The following POF1B variants were observed in gnomAD, a reference collection of about 807,000 sequenced individuals.
The protein encoded by POF1B is POF1B actin binding protein, also known as protein POF1B.
Under a neutral mutation model 55.3 loss-of-function variants are expected in POF1B, and 53 were observed. The observed-to-expected ratio is 0.96, with a 90% CI of 0.77 to 1.20. The LOEUF is 1.20. POF1B is among the 50% of genes most tolerant of loss of function. POF1B has a pLI of 0.00. For synonymous variants in POF1B, 188 were observed against 148.3 expected (o/e 1.27, Z -1.95); for missense variants, 478 against 420.5 (o/e 1.14, Z -1.20).
At position 85,289,817 on chromosome X, in the gene POF1B, G is replaced by A. The variant is rs756646200; in HGVS notation, c.1650-7500C>T. On this transcript the variant is annotated intron_variant, in intron 15 of 16. Transcript: ENST00000262753. ...CAAGAGGTGGGGGTGTGGGAACAGG[G>A]ATCGGTATCCAGAGTTGCTACAGCA... is the stretch of plus-strand genomic sequence containing the variant. Among the ~76,000 whole-genome samples, 40 of 111,195 alleles carry A rather than the reference G, an allele frequency of 3.6e-4. 1 individual carries two copies. The highest frequency in any genetic ancestry group is 5.9e-4 in the Non-Finnish European group (31 of 52,965).
intron 15 of POF1B, among the ~76,000 whole-genome samples, chrX:85,283,387 T>C (rs1324441404): frequency 9.2e-6 from 1 of 108,769 alleles, no homozygotes; most frequent in Non-Finnish European, 1.9e-5. Flanking sequence ...AGGAGAGAAA[T>C]AGATAATATA....
At chrX:85,286,336 TA>T (rs1932054227) in intron 15 of POF1B, among the ~76,000 whole-genome samples, 1 of 110,492 alleles carries the variant, frequency 9.1e-6, no homozygotes, top group African/African-American at 3.3e-5. Context: ...TAAAATAGGT[TA>T]AATGAAACAT....
At chrX:85,302,448 A>G (rs1397204853) in intron 15 of POF1B, among the ~76,000 whole-genome samples, 2 of 111,470 alleles carry the variant, frequency 1.8e-5, no homozygotes, top group Non-Finnish European at 3.8e-5. Context: ...ACAAATGGCA[A>G]CGAGGATGGG....
At chrX:85,342,680 G>A (rs537194114) in intron 6 of POF1B, among the ~76,000 whole-genome samples, 36 of 111,066 alleles carry the variant, frequency 3.2e-4, no homozygotes, top group African/African-American at 9.8e-4. Flanking sequence ...TCTTTACCAC[G>A]CTCCTTCCAA....
At chrX:85,284,301 ATTACT>A (rs1229614668) in intron 15 of POF1B, among the ~76,000 whole-genome samples, 1 of 111,751 alleles carries the variant, frequency 8.9e-6, no homozygotes, top group Admixed American at 9.5e-5. Flanking sequence ...ATTGGAAAAA[ATTACT>A]TTAAAGTTCA....
intron 6 of POF1B, among the ~76,000 whole-genome samples, chrX:85,331,748 C>A (rs1029915438): frequency 9.0e-6 from 1 of 111,082 alleles, no homozygotes; most frequent in African/African-American, 3.3e-5. Flanking sequence ...TCTTCCCCCT[C>A]CCTTCTAAGC....
chrX:85,367,064 A>G (rs1211999048), intron 3 of POF1B, among the ~76,000 whole-genome samples: 1 of 109,029 alleles, frequency 9.2e-6, no homozygotes, highest in Non-Finnish European at 1.9e-5. Flanking sequence ...AAATCCCATA[A>G]CCCCTTTACT....
chrX:85,346,780 T>C (rs1466038399), intron 5 of POF1B, among the ~76,000 whole-genome samples: 1 of 110,917 alleles, frequency 9.0e-6, no homozygotes, highest in African/African-American at 3.3e-5. Flanking sequence ...ATTATTATTA[T>C]GATCACATCA....
At chrX:85,375,366 T>C (rs778209663) in intron 2 of POF1B, among the ~76,000 whole-genome samples, 1 of 111,483 alleles carries the variant, frequency 9.0e-6, no homozygotes, top group African/African-American at 3.3e-5. Context: ...CACCCTCATA[T>C]CTTGCCACAC....
intron 15 of POF1B, among the ~76,000 whole-genome samples, chrX:85,284,945 C>T (rs1242403183): frequency 1.8e-5 from 2 of 111,248 alleles, no homozygotes; most frequent in East Asian, 2.8e-4. Context: ...ACAAAGAACT[C>T]AAACAAATTT....
chrX:85,284,677 A>G (rs752594329), intron 15 of POF1B, among the ~76,000 whole-genome samples: 2,112 of 111,855 alleles, frequency 0.019, 47 homozygotes, highest in African/African-American at 0.065. Flanking sequence ...AAAGACTTAA[A>G]TGTTAGACCT....
In POF1B at chrX:85,279,416, T is replaced by C; in HGVS notation, c.*5A>G. 1 of 1,189,373 alleles carries C rather than the reference T, an allele frequency of 8.4e-7. No individual in the cohort carries two copies. Among genetic ancestry groups the C allele is most frequent in the South Asian group, 1.8e-5 (1 of 55,309 alleles). ...TTGAGTTGTAATACTTTAAAGTGGA[T>C]CCATTCATGGCTAGAAAAGAAAAAA... On this transcript the variant is annotated 3_prime_UTR_variant, in exon 17 of 17. Transcript: ENST00000262753.
chrX:85,335,541 C>G (rs924187877), intron 6 of POF1B, among the ~76,000 whole-genome samples: 2 of 110,406 alleles, frequency 1.8e-5, no homozygotes, highest in African/African-American at 6.6e-5. Context: ...TAATTGGTCT[C>G]CTTATTTTAT....
At chrX:85,379,045 C>A in intron 2 of POF1B, 128 bp downstream of exon 2, 2 of 766,066 alleles carry the variant, frequency 2.6e-6, no homozygotes, top group Non-Finnish European at 3.7e-6. Context: ...GGTGACTATC[C>A]AAGGCATATA....
At chrX:85,328,124 G>T (rs1932919117) in intron 7 of POF1B, among the ~76,000 whole-genome samples, 1 of 109,929 alleles carries the variant, frequency 9.1e-6, no homozygotes, top group African/African-American at 3.3e-5. Context: ...AATTACATTG[G>T]GCAGAAAAAG....
chrX:85,330,269 T>C (rs1426004031), intron 7 of POF1B, among the ~76,000 whole-genome samples: 1 of 110,717 alleles, frequency 9.0e-6, no homozygotes, highest in Admixed American at 9.7e-5. Flanking sequence ...TTGTGTTATA[T>C]AAAATTATGT....
At chrX:85,361,562 G>C (rs764925881) in intron 3 of POF1B, among the ~76,000 whole-genome samples, 1 of 111,011 alleles carries the variant, frequency 9.0e-6, no homozygotes, top group Non-Finnish European at 1.9e-5. Flanking sequence ...CTGTTCCCTT[G>C]GTCTATGTGT....
At chrX:85,369,571 T>A (rs935474768) in intron 2 of POF1B, among the ~76,000 whole-genome samples, 13 of 111,755 alleles carry the variant, frequency 1.2e-4, no homozygotes, top group Non-Finnish European at 2.4e-4. Flanking sequence ...CAGTATCTCT[T>A]GTATTATGTA....
intron 2 of POF1B, among the ~76,000 whole-genome samples, chrX:85,375,486 G>A (rs1031189719): frequency 1.8e-5 from 2 of 111,729 alleles, no homozygotes; most frequent in African/African-American, 6.5e-5. Context: ...TCAGCAATTA[G>A]TTGCACTCTC....
Sources: allele counts gnomAD v4.1 joint callset (sites outside exome capture counted in the v4.1 genomes callset), GRCh38; gene constraint gnomAD v4.1.1; transcripts MANE v1.5; gene names NCBI Gene and HGNC (gene_info 2026-07-23, HGNC 2026-07-21).